The following DNAI3 variants were observed in gnomAD, a reference collection of about 807,000 sequenced individuals.
DNAI3 encodes dynein axonemal intermediate chain 3.
A neutral mutation model predicts 115.5 loss-of-function variants in DNAI3; 83 were observed. The observed-to-expected ratio is 0.72, with a 90% confidence interval of 0.60 to 0.86. The LOEUF is 0.86. Ranked by LOEUF, DNAI3 falls within the 40% of genes least tolerant of loss-of-function variation. DNAI3 has a pLI of 0.00. For synonymous variants in DNAI3, 320 were observed against 347.0 expected (o/e 0.92, Z 0.86); for missense variants, 1,004 against 1,075.8 (o/e 0.93, Z 0.93).
intron 1 of DNAI3, among the ~76,000 whole-genome samples, chr1:85,063,521 T>G (rs556961287): frequency 6.6e-6 from 1 of 152,292 alleles, no homozygotes; most frequent in East Asian, 1.9e-4. Context: ...CAAAATCTGG[T>G]GTATAGACCA....
At chr1:85,088,292 C>T (rs1202356800) in intron 7 of DNAI3, among the ~76,000 whole-genome samples, 1 of 151,982 alleles carries the variant, frequency 6.6e-6, no homozygotes, top group African/African-American at 2.4e-5. Context: ...AGTGTTCCTA[C>T]ATAGAGGGAG....
Position 85,090,224 on chromosome 1 carries a change from A to T in DNAI3, c.849A>T (p.Ala283=). The T allele has an allele frequency of 1.3e-6, 2 of 1,545,768 alleles. No homozygotes were observed. Among genetic ancestry groups the T allele is most frequent in the Non-Finnish European group, 1.7e-6 (2 of 1,145,568 alleles). ...CTTTGGTTGATTTTCTTAACAATGCATCCATAAGGTAAAAAATTGCATATT... is the reference window on the plus strand; with the variant it reads ...CTTTGGTTGATTTTCTTAACAATGCTTCCATAAGGTAAAAAATTGCATATT... ...SKPLVDFLNN[A]SISVEIALQQ... is the part of the protein sequence containing the mutation. Residue 283 remains alanine (A), a synonymous_variant, in exon 8 of 23, where the codon GCA becomes GCT. Transcript: ENST00000294664.
intron 20 of DNAI3, among the ~76,000 whole-genome samples, chr1:85,127,184 G>A (rs1656173021): frequency 6.6e-6 from 1 of 151,822 alleles, no homozygotes; most frequent in Admixed American, 6.6e-5. Context: ...TTCTCCCCTG[G>A]CTAATATCAA....
intron 1 of DNAI3, among the ~76,000 whole-genome samples, chr1:85,069,269 G>A (rs1654190964): frequency 6.6e-6 from 1 of 152,102 alleles, no homozygotes; most frequent in African/African-American, 2.4e-5. Context: ...TCCTCTCCCA[G>A]ATATCTGTGT....
At chr1:85,063,024 C>G (rs1653984034) in intron 1 of DNAI3, among the ~76,000 whole-genome samples, 1 of 152,182 alleles carries the variant, frequency 6.6e-6, no homozygotes, top group South Asian at 2.1e-4. Context: ...CCCCTAGTGA[C>G]TAGTTTACCC....
At chr1:85,094,639 CT>C in intron 10 of DNAI3, 84 bp downstream of exon 10, 2 of 1,469,252 alleles carry the variant, frequency 1.4e-6, no homozygotes, top group Non-Finnish European at 1.8e-6. Flanking sequence ...TTGCAAAGTA[CT>C]TTATAATCAT....
chr1:85,114,403 T>C (rs1260648486), intron 16 of DNAI3, among the ~76,000 whole-genome samples: 1 of 152,236 alleles, frequency 6.6e-6, no homozygotes, highest in African/African-American at 2.4e-5. Flanking sequence ...CATACTGAGT[T>C]TTCTATATAG....
chr1:85,082,927 G>A (rs1654678631), intron 5 of DNAI3, among the ~76,000 whole-genome samples: 1 of 152,156 alleles, frequency 6.6e-6, no homozygotes, highest in Admixed American at 6.5e-5. Context: ...ACAACTTTGA[G>A]TAAGTTACTG....
At chr1:85,103,888 AAATAATAATAATAATAAT>A (rs71075819) in intron 13 of DNAI3, among the ~76,000 whole-genome samples, 279 of 140,440 alleles carry the variant, frequency 2.0e-3, no homozygotes, top group African/African-American at 6.1e-3. Context: ...TGCCTTCTCA[AAATAATAATAATAATAAT>A]AATAATAATA....
At position 85,093,544 on chromosome 1, in the gene DNAI3, G is replaced by A. The variant is rs780506751; in HGVS notation, c.944G>A (p.Gly315Glu). 1.2e-6 allele frequency: 2 copies of A among 1,614,076 alleles called. No homozygotes were observed. Among genetic ancestry groups the A allele is most frequent in the South Asian group, 2.2e-5 (2 of 91,076 alleles). ...KYLAEEEGTF[G>E]DKTDTHLKEY... The stretch of plus-strand genomic sequence containing the variant: ...CTCGCAGAAGAAGAAGGCACCTTTG[G>A]GGACAAGACCGATACCCACCTGAAA... The change falls in exon 9 of 23, where the codon GGG becomes GAG. Residue 315 changes from glycine (G) to glutamate (E), a missense_variant. By Grantham distance (98) the Gly-to-Glu change is moderately conservative. Around this residue, in one of 3 missense-constraint regions of DNAI3, gnomAD observed 550 missense variants for 568.1 expected, o/e 0.97. Coordinates refer to ENST00000294664, the MANE Select transcript of DNAI3 (RefSeq NM_145172.5).
intron 5 of DNAI3, among the ~76,000 whole-genome samples, chr1:85,084,239 ATCAGCAGTGTG>A (rs1654720332): frequency 9.1e-6 from 1 of 109,746 alleles, no homozygotes; most frequent in African/African-American, 3.4e-5. Context: ...GTATATATAT[ATCAGCAGTGTG>A]TATATATATA....
chr1:85,077,522 G>A (rs1654495628), intron 3 of DNAI3, among the ~76,000 whole-genome samples: 1 of 152,082 alleles, frequency 6.6e-6, no homozygotes, highest in African/African-American at 2.4e-5. Flanking sequence ...GCAATGGAAT[G>A]AACCATTGCT....
At chr1:85,071,280 G>A (rs1162560296) in intron 1 of DNAI3, among the ~76,000 whole-genome samples, 1 of 152,204 alleles carries the variant, frequency 6.6e-6, no homozygotes. Flanking sequence ...TAAACAGAAT[G>A]GGACAAAGGT....
intron 18 of DNAI3, among the ~76,000 whole-genome samples, chr1:85,123,601 A>G (rs1656048024): frequency 6.6e-6 from 1 of 152,212 alleles, no homozygotes; most frequent in Admixed American, 6.5e-5. Flanking sequence ...TCTCCACAGA[A>G]GCCTTTCCTG....
chr1:85,101,373 C>T (rs1655303725), intron 13 of DNAI3, among the ~76,000 whole-genome samples: 1 of 152,090 alleles, frequency 6.6e-6, no homozygotes, highest in Non-Finnish European at 1.5e-5. Context: ...CTTCATATCA[C>T]TTCCATTTCA....
chr1:85,104,477 A>G (rs1465548762), intron 13 of DNAI3, 47 bp from the exon 14 acceptor site: 1 of 1,474,676 alleles, frequency 6.8e-7, no homozygotes, highest in Non-Finnish European at 9.5e-7. Context: ...AAAGGTAAAT[A>G]GCTATGAGAA....
chr1:85,110,115 A>G lies in DNAI3; in HGVS notation c.1766A>G (p.His589Arg). The change falls in exon 16 of 23, where the codon CAT becomes CGT. Residue 589 changes from histidine (H) to arginine (R), a missense_variant. Transcript: ENST00000294664. ...ACCAAGATAAGCCTGAATGAAGACC[A>G]TCTTCTTTGCAAAACACAAGGTAAC... Reference protein sequence around the residue: ...CPTKISLNEDHLLCKTQDKML... With the variant: ...CPTKISLNEDRLLCKTQDKML... 6.2e-7 allele frequency: 1 copy of G among 1,612,896 alleles called. No homozygotes were observed. The highest frequency in any genetic ancestry group is 8.5e-7 in the Non-Finnish European group (1 of 1,179,424).
At chr1:85,073,419 T>A (rs1485266691) in intron 3 of DNAI3, among the ~76,000 whole-genome samples, 3 of 152,206 alleles carry the variant, frequency 2.0e-5, no homozygotes, top group East Asian at 3.8e-4. Flanking sequence ...CTTTTGCTCA[T>A]AGGTAATATT....
At chr1:85,115,718 G>A (rs1299730392) in intron 16 of DNAI3, among the ~76,000 whole-genome samples, 1 of 152,096 alleles carries the variant, frequency 6.6e-6, no homozygotes, top group Non-Finnish European at 1.5e-5. Context: ...GTGGGGGCAG[G>A]GGGGCAGGCA....
Sources: allele counts gnomAD v4.1 joint callset (sites outside exome capture counted in the v4.1 genomes callset), GRCh38; gene constraint gnomAD v4.1.1; regional missense constraint gnomAD v4.1.1; transcripts MANE v1.5; gene names NCBI Gene and HGNC (gene_info 2026-07-23, HGNC 2026-07-21).